SLCO6A1: variants seen among roughly 807,000 people sequenced by gnomAD.
The protein encoded by SLCO6A1 is cancer/testis antigen 48.
In SLCO6A1, 65 loss-of-function variants were observed where a neutral mutation model predicts 72.7. That is an observed-to-expected ratio of 0.89 (90% CI 0.73 to 1.10). SLCO6A1 has a LOEUF of 1.10. Ranked by LOEUF, SLCO6A1 falls within the 50% of genes least tolerant of loss-of-function variation. The pLI, the probability that SLCO6A1 is intolerant of heterozygous loss-of-function variation, is 0.00. For synonymous variants in SLCO6A1, 314 were observed against 298.2 expected (o/e 1.05, Z -0.55); for missense variants, 874 against 872.6 (o/e 1.00, Z -0.02).
Position 102,414,691 on chromosome 5 carries a change from TC to T in SLCO6A1, c.1473-1549del, listed in dbSNP as rs1431080557. 2.6e-5 allele frequency among the ~76,000 whole-genome samples: 4 copies of T among 152,062 alleles called. No individual in the cohort carries two copies. In the East Asian group the frequency reaches 7.7e-4, roughly 29 times the overall value. ...GGTGGATTGTCTGAGCTCAGGAGTT[TC>T]CGACCGGCCTGGGCAACACAGTGAA... is the stretch of plus-strand genomic sequence containing the variant. On this transcript the variant is annotated intron_variant, in intron 8 of 13. Coordinates refer to ENST00000506729, the MANE Select transcript of SLCO6A1 (RefSeq NM_173488.5).
At chr5:102,481,249 A>G (rs2112833256) in intron 1 of SLCO6A1, among the ~76,000 whole-genome samples, 1 of 152,078 alleles carries the variant, frequency 6.6e-6, no homozygotes, top group South Asian at 2.1e-4. Flanking sequence ...TTTGGCAGGA[A>G]GCCAGGAGCC....
At chr5:102,445,785 T>C (rs1750077173) in intron 6 of SLCO6A1, among the ~76,000 whole-genome samples, 1 of 152,212 alleles carries the variant, frequency 6.6e-6, no homozygotes, top group African/African-American at 2.4e-5. Flanking sequence ...ATTCCACATA[T>C]AGCTAGCCAG....
At chr5:102,494,398 G>C (rs1752818979) in intron 1 of SLCO6A1, among the ~76,000 whole-genome samples, 1 of 152,058 alleles carries the variant, frequency 6.6e-6, no homozygotes, top group African/African-American at 2.4e-5. Flanking sequence ...AAGCCAAAAA[G>C]AATGAATCAT....
At chr5:102,480,459 AAAC>A (rs752115419) in intron 1 of SLCO6A1, 25 bp from the exon 2 acceptor site, 12 of 1,586,594 alleles carry the variant, frequency 7.6e-6, no homozygotes, top group African/African-American at 4.1e-5. Context: ...GAAAAAGAGA[AAAC>A]AACGATATGC....
At chr5:102,380,152 A>T (rs1404450181) in intron 12 of SLCO6A1, among the ~76,000 whole-genome samples, 1 of 151,966 alleles carries the variant, frequency 6.6e-6, no homozygotes, top group Non-Finnish European at 1.5e-5. Flanking sequence ...TTCAATTTAT[A>T]AAAAAAGTGT....
chr5:102,454,456 T>G (rs939204684), intron 6 of SLCO6A1, among the ~76,000 whole-genome samples: 1 of 152,200 alleles, frequency 6.6e-6, no homozygotes, highest in Non-Finnish European at 1.5e-5. Context: ...GAGGTCAGGA[T>G]TTTCCACGTT....
At position 102,459,866 on chromosome 5, in the gene SLCO6A1, T is replaced by G. The variant is rs1428054519; in HGVS notation, c.900-89A>C. 6.8e-6 allele frequency: 8 copies of G among 1,167,988 alleles called. No individual in the cohort carries two copies. The East Asian group carries it at 1.9e-4, about 27-fold the overall frequency. The allele number at this position is 1,167,988 out of a possible 1,614,324, so 72.4% of individuals were successfully genotyped here. ...TCAAACAGAGTGGAGAAAGTGAGAG[T>G]GAGAGAGGGAGGGTTGGAGAGTGAG... On this transcript the variant is annotated intron_variant, in intron 4 of 13. Coordinates refer to ENST00000506729, the MANE Select transcript of SLCO6A1 (RefSeq NM_173488.5).
chr5:102,459,898 A>C, intron 4 of SLCO6A1, 121 bp from the exon 5 acceptor site: 1 of 781,786 alleles, frequency 1.3e-6, no homozygotes, highest in Non-Finnish European at 1.9e-6. Context: ...TGAGACAGAA[A>C]TGGAACTTTT....
intron 12 of SLCO6A1, among the ~76,000 whole-genome samples, chr5:102,374,189 T>G (rs116506558): frequency 0.024 from 3,582 of 152,108 alleles, 96 homozygotes; most frequent in African/African-American, 0.068. Flanking sequence ...ATTTTTATAG[T>G]TTTTGTAGAG....
chr5:102,418,713 C>T lies in SLCO6A1; in HGVS notation c.1472+1113G>A, dbSNP rs1748427615. On this transcript the variant is annotated intron_variant, in intron 8 of 13. Coordinates refer to ENST00000506729, the MANE Select transcript of SLCO6A1 (RefSeq NM_173488.5). ...TTAGAAAGGCTCCTGGCTCCTAGGT[C>T]CTAGCCTTACACAGATGTTAATTGA... Among the ~76,000 whole-genome samples the T allele has an allele frequency of 2.0e-5, 3 of 152,040 alleles. No individual in the cohort carries two copies. The South Asian group carries it at 6.2e-4, about 32-fold the overall frequency.
chr5:102,482,734 G>A (rs1359966389), intron 1 of SLCO6A1, among the ~76,000 whole-genome samples: 2 of 152,120 alleles, frequency 1.3e-5, no homozygotes, highest in Admixed American at 1.3e-4. Flanking sequence ...GGTAAATATG[G>A]TAATACTGCT....
chr5:102,406,714 T>C (rs1489265629), intron 9 of SLCO6A1, among the ~76,000 whole-genome samples: 4 of 152,046 alleles, frequency 2.6e-5, no homozygotes, highest in African/African-American at 9.7e-5. Flanking sequence ...ATAGCTTAAA[T>C]TATGTAGAAT....
At chr5:102,472,425 C>T (rs1350256232) in intron 4 of SLCO6A1, among the ~76,000 whole-genome samples, 1 of 151,990 alleles carries the variant, frequency 6.6e-6, no homozygotes, top group Non-Finnish European at 1.5e-5. Context: ...CATATGAACT[C>T]AGAATTTCAG....
intron 7 of SLCO6A1, among the ~76,000 whole-genome samples, chr5:102,423,730 C>G (rs1169551774): frequency 6.6e-6 from 1 of 152,176 alleles, no homozygotes; most frequent in African/African-American, 2.4e-5. Flanking sequence ...AGAAAATTAA[C>G]AAGGATATTC....
intron 7 of SLCO6A1, among the ~76,000 whole-genome samples, chr5:102,431,083 A>C (rs1433077785): frequency 6.6e-6 from 1 of 151,908 alleles, no homozygotes; most frequent in African/African-American, 2.4e-5. Flanking sequence ...CATGTTTGTA[A>C]AGGTGCTCAT....
intron 7 of SLCO6A1, among the ~76,000 whole-genome samples, chr5:102,425,560 C>A (rs1246442163): frequency 1.3e-5 from 2 of 151,918 alleles, no homozygotes; most frequent in Non-Finnish European, 1.5e-5. Flanking sequence ...AAGGTATTTA[C>A]AAGGGATGTG....
chr5:102,407,943 T>C lies in SLCO6A1; in HGVS notation c.1626+5047A>G, dbSNP rs149238483. On this transcript the variant is annotated intron_variant, in intron 9 of 13. Coordinates refer to ENST00000506729, the MANE Select transcript of SLCO6A1 (RefSeq NM_173488.5). The stretch of plus-strand genomic sequence containing the variant: ...AGACTTGGAGCAGAGGACCCAGTCA[T>C]GCATGGCATGTCTGGATTGCTGACC... Among the ~76,000 whole-genome samples, 355 of 152,270 alleles carry C rather than the reference T, an allele frequency of 2.3e-3. 1 individual carries two copies. Among genetic ancestry groups the C allele is most frequent in the African/African-American group, 8.1e-3 (336 of 41,560 alleles).
chr5:102,474,650 G>A lies in SLCO6A1; in HGVS notation c.899+1047C>T, dbSNP rs565441068. Among the ~76,000 whole-genome samples, 39 of 152,146 alleles carry A rather than the reference G, an allele frequency of 2.6e-4. No individual in the cohort carries two copies. The East Asian group carries it at 6.4e-3, about 25-fold the overall frequency. On this transcript the variant is annotated intron_variant, in intron 4 of 13. Transcript: ENST00000506729. ...AGTGAAAAGGCAACCTGCAGAATGG[G>A]AGAAAACATTTGCAAACCATTATTG...
chr5:102,479,134 G>A (rs1752057662), intron 2 of SLCO6A1, among the ~76,000 whole-genome samples: 1 of 152,234 alleles, frequency 6.6e-6, no homozygotes, highest in South Asian at 2.1e-4. Flanking sequence ...GAGGTGACTG[G>A]ATCACGGGAG....
Sources: gnomAD v4.1 joint callset for allele counts (sites outside exome capture counted in the v4.1 genomes callset) on GRCh38, gnomAD v4.1.1 for gene constraint, MANE v1.5 for transcripts, NCBI Gene and HGNC (gene_info 2026-07-23, HGNC 2026-07-21) for gene names.